Variants in BLTP3A observed in about 807,000 individuals in gnomAD.
BLTP3A encodes the protein bridge-like lipid transfer protein family member 3A.
the BLTP3A span, chr6:34,823,496 C>T: frequency 3.4e-6 from 2 of 584,964 alleles, no homozygotes; most frequent in South Asian, 2.0e-5. Flanking sequence ...TACCCAAGAT[C>T]TAATTTCAAC....
At chr6:34,837,083 A>G in the BLTP3A span, among the ~76,000 whole-genome samples, 1 of 152,198 alleles carries the variant, frequency 6.6e-6, no homozygotes, top group East Asian at 1.9e-4. Flanking sequence ...GGCTAATATT[A>G]AGTTTTATTA....
At chr6:34,799,461 GC>G in the BLTP3A span, among the ~76,000 whole-genome samples, 1 of 151,270 alleles carries the variant, frequency 6.6e-6, no homozygotes, top group Admixed American at 6.6e-5. Context: ...CTGCACTCCA[GC>G]CTGGGTGACA....
the BLTP3A span, among the ~76,000 whole-genome samples, chr6:34,860,374 G>A: frequency 1.3e-5 from 2 of 152,128 alleles, no homozygotes; most frequent in East Asian, 3.9e-4. Flanking sequence ...TAGAGTCTAA[G>A]GGAAGTCTTT....
the BLTP3A span, chr6:34,857,014 A>G: frequency 6.6e-7 from 1 of 1,510,122 alleles, no homozygotes; most frequent in South Asian, 1.2e-5. Context: ...AAGTTTTGGA[A>G]TTTGGGGACT....
At chr6:34,860,283 A>G in the BLTP3A span, among the ~76,000 whole-genome samples, 12 of 152,314 alleles carry the variant, frequency 7.9e-5, no homozygotes, top group African/African-American at 2.6e-4. Flanking sequence ...TAGGGAGTAA[A>G]CAGGAAAACA....
chr6:34,867,387 G>A, the BLTP3A span: 1 of 1,613,928 alleles, frequency 6.2e-7, no homozygotes, highest in South Asian at 1.1e-5. Flanking sequence ...CCGGTCAGCA[G>A]CTCTACTTTC....
chr6:34,792,265 TAAG>T, the BLTP3A span: 1 of 1,543,710 alleles, frequency 6.5e-7, no homozygotes, highest in Non-Finnish European at 8.7e-7. Context: ...CCGGGATCAT[TAAG>T]AAGCAGATCC....
the BLTP3A span, among the ~76,000 whole-genome samples, chr6:34,825,537 C>G: frequency 2.6e-5 from 4 of 152,164 alleles, no homozygotes; most frequent in Admixed American, 1.3e-4. Flanking sequence ...GAACTCCTGA[C>G]CTTAGGTGAT....
chr6:34,843,024 CCCAGTCTGGAGT>C, the BLTP3A span, among the ~76,000 whole-genome samples: 5 of 152,122 alleles, frequency 3.3e-5, no homozygotes, highest in Non-Finnish European at 7.4e-5. Flanking sequence ...TGTTCTGTTG[CCCAGTCTGGAGT>C]GTCATGGCAT....
At chr6:34,818,569 C>T in the BLTP3A span, among the ~76,000 whole-genome samples, 1 of 151,970 alleles carries the variant, frequency 6.6e-6, no homozygotes, top group Admixed American at 6.6e-5. Flanking sequence ...AAATTTGTTA[C>T]AAAATATTTG....
the BLTP3A span, chr6:34,836,016 C>A: frequency 9.5e-7 from 1 of 1,050,730 alleles, no homozygotes; most frequent in Non-Finnish European, 1.4e-6. Context: ...CCTAAGTGAG[C>A]TACTAGGCCA....
chr6:34,793,117 A>G, the BLTP3A span, among the ~76,000 whole-genome samples: 2 of 152,094 alleles, frequency 1.3e-5, no homozygotes, highest in Middle Eastern at 3.2e-3. Flanking sequence ...GCAGCCTTTT[A>G]TTAAGCAATG....
the BLTP3A span, among the ~76,000 whole-genome samples, chr6:34,837,064 T>C: frequency 6.6e-6 from 1 of 152,254 alleles, no homozygotes; most frequent in Admixed American, 6.5e-5. Context: ...TTGGAGGACC[T>C]TGATTATAGG....
At chr6:34,848,793 A>T in the BLTP3A span, among the ~76,000 whole-genome samples, 1 of 151,592 alleles carries the variant, frequency 6.6e-6, no homozygotes, top group Non-Finnish European at 1.5e-5. Context: ...TTTTGATTGG[A>T]GTGTTTAGTC....
the BLTP3A span, among the ~76,000 whole-genome samples, chr6:34,794,564 T>G: frequency 6.6e-6 from 1 of 152,182 alleles, no homozygotes; most frequent in Non-Finnish European, 1.5e-5. Context: ...TATAAACCCC[T>G]GAAGCACATG....
the BLTP3A span, among the ~76,000 whole-genome samples, chr6:34,792,860 C>G: frequency 2.0e-5 from 3 of 152,228 alleles, no homozygotes; most frequent in Admixed American, 2.0e-4. Flanking sequence ...GGCTGGTTTT[C>G]TCTTTCCCAG....
At chr6:34,824,069 G>T in the BLTP3A span, among the ~76,000 whole-genome samples, 1 of 151,588 alleles carries the variant, frequency 6.6e-6, no homozygotes, top group South Asian at 2.1e-4. Context: ...AGTCTCCCAA[G>T]TAGCTGGGAC....
At chr6:34,840,430 G>C in the BLTP3A span, among the ~76,000 whole-genome samples, 1 of 149,588 alleles carries the variant, frequency 6.7e-6, no homozygotes, top group African/African-American at 2.4e-5. Flanking sequence ...GCTGGGCGTG[G>C]TGGCAGGCAC....
the BLTP3A span, among the ~76,000 whole-genome samples, chr6:34,868,948 G>A: frequency 2.0e-5 from 3 of 151,754 alleles, no homozygotes; most frequent in Admixed American, 6.6e-5. Context: ...ATATATGTAA[G>A]GCATAAAATA....
Sources: allele counts gnomAD v4.1 joint callset (sites outside exome capture counted in the v4.1 genomes callset), GRCh38; gene constraint gnomAD v4.1.1; transcripts MANE v1.5; gene names NCBI Gene and HGNC (gene_info 2026-07-23, HGNC 2026-07-21).